Variants in NXPH1 observed in about 807,000 individuals in gnomAD.
The protein encoded by NXPH1 is neurexophilin 1.
NXPH1 carries 5 observed loss-of-function variants against 23.7 expected under a neutral mutation model. The observed-to-expected ratio is 0.21, with a 90% confidence interval of 0.11 to 0.44. The LOEUF (loss-of-function observed/expected upper bound fraction) is 0.44. Ranked by LOEUF, NXPH1 falls within the 20% of genes least tolerant of loss-of-function variation. The probability of loss-of-function intolerance (pLI) is 0.99; values close to 1 mark genes in which losing one functional copy is unlikely to be tolerated. For synonymous variants in NXPH1, 144 were observed against 122.2 expected (o/e 1.18, Z -1.18); for missense variants, 324 against 321.6 (o/e 1.01, Z -0.06).
intron 2 of NXPH1, among the ~76,000 whole-genome samples, chr7:8,478,232 T>C (rs1817009820): frequency 6.6e-6 from 1 of 152,114 alleles, no homozygotes; most frequent in African/African-American, 2.4e-5. Context: ...TAAGTTCTTC[T>C]ACAGTAGGTT....
intron 2 of NXPH1, among the ~76,000 whole-genome samples, chr7:8,477,081 G>A (rs1259128318): frequency 6.6e-6 from 1 of 152,130 alleles, no homozygotes; most frequent in Non-Finnish European, 1.5e-5. Context: ...AATACACCAT[G>A]TCTGTGTAGT....
intron 2 of NXPH1, among the ~76,000 whole-genome samples, chr7:8,529,271 A>T (rs1185664187): frequency 6.6e-6 from 1 of 152,266 alleles, no homozygotes; most frequent in East Asian, 1.9e-4. Context: ...TTAATTATAT[A>T]CACAAAGTCC....
intron 2 of NXPH1, among the ~76,000 whole-genome samples, chr7:8,624,251 C>G (rs1051928398): frequency 6.6e-6 from 1 of 152,082 alleles, no homozygotes; most frequent in African/African-American, 2.4e-5. Flanking sequence ...GCAGGAATGT[C>G]TTTAGAGAAA....
At chr7:8,483,045 T>A (rs1817101387) in intron 2 of NXPH1, among the ~76,000 whole-genome samples, 1 of 152,246 alleles carries the variant, frequency 6.6e-6, no homozygotes, top group African/African-American at 2.4e-5. Flanking sequence ...GTGACATGCA[T>A]AGAAGCTGTT....
intron 2 of NXPH1, among the ~76,000 whole-genome samples, chr7:8,457,555 T>TTA (rs372448713): frequency 1.1e-4 from 16 of 150,542 alleles, no homozygotes; most frequent in African/African-American, 3.0e-4. Context: ...TTTTTTTTTT[T>TTA]AATTTTATTA....
intron 2 of NXPH1, among the ~76,000 whole-genome samples, chr7:8,633,606 T>C (rs1230037338): frequency 6.6e-6 from 1 of 152,200 alleles, no homozygotes; most frequent in Non-Finnish European, 1.5e-5. Flanking sequence ...ACCCAAACTT[T>C]AGAAACACTT....
intron 2 of NXPH1, among the ~76,000 whole-genome samples, chr7:8,578,526 A>T (rs781083018): frequency 9.2e-5 from 14 of 152,226 alleles, no homozygotes; most frequent in Admixed American, 2.0e-4. Flanking sequence ...TTACTTTTGC[A>T]GTTCACCAAG....
chr7:8,672,689 C>T (rs1187658135), intron 2 of NXPH1, among the ~76,000 whole-genome samples: 2 of 152,098 alleles, frequency 1.3e-5, no homozygotes, highest in African/African-American at 2.4e-5. Context: ...CAGGGAAGAC[C>T]ATTGTTTCAC....
At chr7:8,725,429 G>C (rs186309069) in intron 2 of NXPH1, among the ~76,000 whole-genome samples, 1 of 150,962 alleles carries the variant, frequency 6.6e-6, no homozygotes, top group Non-Finnish European at 1.5e-5. Context: ...GGCAGAGGTT[G>C]CAGTGAGCTG....
chr7:8,435,634 T>C lies in NXPH1; in HGVS notation c.-80T>C, dbSNP rs1286170099. On this transcript the variant is annotated 5_prime_UTR_variant, in exon 2 of 3. Coordinates refer to ENST00000405863, the MANE Select transcript of NXPH1 (RefSeq NM_152745.3). The surrounding 1 kb of genome is among the most constrained non-coding windows in gnomAD (Gnocchi z 5.9). The stretch of plus-strand genomic sequence containing the variant: ...TGAGAGCGCTCCTTGCTCTGTAAAG[T>C]GGATGTCAGGTGGATCTATGTTTCT... 7.7e-7 allele frequency: 1 copy of C among 1,302,404 alleles called. No individual in the cohort carries two copies. The highest frequency in any genetic ancestry group is 1.5e-5 in the African/African-American group (1 of 68,704). The allele number at this position is 1,302,404 out of a possible 1,614,324, so 80.7% of individuals were successfully genotyped here.
chr7:8,487,024 A>G (rs1332445137), intron 2 of NXPH1, among the ~76,000 whole-genome samples: 1 of 152,094 alleles, frequency 6.6e-6, no homozygotes, highest in Non-Finnish European at 1.5e-5. Context: ...ACAAGAACCT[A>G]TGTTTTTTTC....
At chr7:8,465,979 C>G (rs1816780757) in intron 2 of NXPH1, among the ~76,000 whole-genome samples, 1 of 152,102 alleles carries the variant, frequency 6.6e-6, no homozygotes, top group Non-Finnish European at 1.5e-5. Context: ...ATGGGTTGTT[C>G]TTAGGTGGTT....
At chr7:8,562,251 A>T (rs948769883) in intron 2 of NXPH1, among the ~76,000 whole-genome samples, 1 of 151,740 alleles carries the variant, frequency 6.6e-6, no homozygotes, top group Admixed American at 6.6e-5. Flanking sequence ...TTTTAAGAAG[A>T]GGTTGGAACA....
rs10230173 is a variant in NXPH1 at position 8,683,007 on chromosome 7, A to G, written c.55-68001A>G. On this transcript the variant is annotated intron_variant, in intron 2 of 2. Coordinates refer to ENST00000405863, the MANE Select transcript of NXPH1 (RefSeq NM_152745.3). ...GTATATTTTTCTGTTTTGCATTACC[A>G]TAAAGGAATATCGTGTAGCTTGTGA... Among the ~76,000 whole-genome samples the G allele has an allele frequency of 5.8e-3, 878 of 152,348 alleles. 9 individuals carry two copies. Among genetic ancestry groups the G allele is most frequent in the African/African-American group, 0.02 (821 of 41,580 alleles).
chr7:8,593,417 G>A (rs1819145985), intron 2 of NXPH1, among the ~76,000 whole-genome samples: 1 of 151,956 alleles, frequency 6.6e-6, no homozygotes, highest in Admixed American at 6.6e-5. Context: ...CATCATATTT[G>A]TAGAATTAGT....
chr7:8,515,419 A>G (rs1817671873), intron 2 of NXPH1, among the ~76,000 whole-genome samples: 1 of 152,154 alleles, frequency 6.6e-6, no homozygotes, highest in African/African-American at 2.4e-5. Context: ...GAGAGCGGCT[A>G]CATTTCACAG....
chr7:8,632,675 T>C (rs1820154100), intron 2 of NXPH1, among the ~76,000 whole-genome samples: 1 of 152,224 alleles, frequency 6.6e-6, no homozygotes, highest in African/African-American at 2.4e-5. Flanking sequence ...GCTAGCTTTC[T>C]CCTTGTAAGT....
Position 8,704,030 on chromosome 7 carries a change from T to C in NXPH1, c.55-46978T>C, listed in dbSNP as rs1396101135. ...ATGAATGAAAAATTTTGCTAATTTA[T>C]ATCAAAAGTTTCAAGGGTTTTAGAC... On this transcript the variant is annotated intron_variant, in intron 2 of 2. Transcript: ENST00000405863. Among the ~76,000 whole-genome samples the C allele has an allele frequency of 2.0e-5, 3 of 152,188 alleles. 1 individual carries two copies. The highest frequency in any genetic ancestry group is 2.0e-4 in the Admixed American group (3 of 15,268).
chr7:8,540,907 A>G (rs940775737), intron 2 of NXPH1, among the ~76,000 whole-genome samples: 2 of 151,922 alleles, frequency 1.3e-5, no homozygotes, highest in Admixed American at 1.3e-4. Context: ...CAAATCATAA[A>G]ACCAAAGCCA....
Sources: allele counts gnomAD v4.1 joint callset (sites outside exome capture counted in the v4.1 genomes callset), GRCh38; gene constraint gnomAD v4.1.1; non-coding constraint Gnocchi (gnomAD v3.1); transcripts MANE v1.5; gene names NCBI Gene and HGNC (gene_info 2026-07-23, HGNC 2026-07-21).